Variants in RNF212 observed in about 807,000 individuals in gnomAD.
RNF212 encodes probable E3 SUMO-protein ligase RNF212.
A neutral mutation model predicts 34.7 loss-of-function variants in RNF212; 33 were observed. The observed-to-expected ratio is 0.95, with a 90% CI of 0.72 to 1.27. RNF212 has a LOEUF of 1.27. Ranked by LOEUF, RNF212 falls within the 50% of genes most tolerant of loss-of-function variation. The pLI is 0.00. For synonymous variants in RNF212, 140 were observed against 136.1 expected (o/e 1.03, Z -0.20); for missense variants, 377 against 362.2 (o/e 1.04, Z -0.33).
At chr4:1,093,385 CA>C (rs1246366904) in intron 3 of RNF212, 5 of 1,033,252 alleles carry the variant, frequency 4.8e-6, no homozygotes, top group East Asian at 5.6e-5. Flanking sequence ...TAACAAATGC[CA>C]ATATTTATGT....
upstream of RNF212, chr4:1,113,628 T>C: frequency 2.0e-6 from 1 of 505,336 alleles, no homozygotes; most frequent in Non-Finnish European, 3.4e-6. Flanking sequence ...CCCGCCAACC[T>C]CGCGGGTTCT....
intron 5 of RNF212, among the ~76,000 whole-genome samples, chr4:1,082,862 G>A (rs982781899): frequency 2.0e-5 from 3 of 152,342 alleles, no homozygotes; most frequent in Admixed American, 1.3e-4. Context: ...TGGCAGGGCC[G>A]TGGCCTGGCT....
At chr4:1,113,323 C>A in intron 1 of RNF212, 33 bp downstream of exon 1, 2 of 1,476,732 alleles carry the variant, frequency 1.4e-6, no homozygotes, top group South Asian at 2.5e-5. Flanking sequence ...CCGCTCCCCT[C>A]CCCTCTCCAG....
intron 3 of RNF212, among the ~76,000 whole-genome samples, chr4:1,094,763 T>G (rs1722782284): frequency 6.6e-6 from 1 of 152,156 alleles, no homozygotes; most frequent in Admixed American, 6.5e-5. Flanking sequence ...CAGAGAACCC[T>G]GATCTGGTGG....
Position 1,090,850 on chromosome 4 carries a change from A to G in RNF212, c.247-12T>C, listed in dbSNP as rs758108691. ...TGAAATTCTAAAATCTGAAAAGATC[A>G]TAGGTTTCAGCTGCTGACACAGATC... On this transcript the variant is annotated splice_polypyrimidine_tract_variant and intron_variant, in intron 3 of 9. Transcript: ENST00000433731. 5 of 1,568,776 alleles carry G rather than the reference A, an allele frequency of 3.2e-6. No homozygotes were observed. Among genetic ancestry groups the G allele is most frequent in the Admixed American group, 3.3e-5 (2 of 59,808 alleles).
intron 3 of RNF212, among the ~76,000 whole-genome samples, chr4:1,064,214 T>G (rs1717939111): frequency 6.6e-6 from 1 of 152,194 alleles, no homozygotes; most frequent in Non-Finnish European, 1.5e-5. Context: ...CCCATATATA[T>G]GTACATAAAT....
chr4:1,081,526 G>T (rs371774806), intron 6 of RNF212, 41 bp downstream of exon 6: 4 of 1,601,816 alleles, frequency 2.5e-6, no homozygotes, highest in Non-Finnish European at 3.4e-6. Flanking sequence ...TCAGCAACAT[G>T]CATCTCTATT....
rs776329566 is a variant in RNF212, at chr4:1,059,406, TG to T, written n.148-1014del. Among the ~76,000 whole-genome samples the T allele has an allele frequency of 7.9e-4, 120 of 152,216 alleles. 5 individuals are homozygous for T. The highest frequency in any genetic ancestry group is 1.6e-4 in the Non-Finnish European group (11 of 68,028). On this transcript the variant is annotated intron_variant and non_coding_transcript_variant, in intron 3 of 4. Coordinates refer to the RNF212 transcript ENST00000503206. ...CTGTCTTGTATCACGGTTTGGCATC[TG>T]GAGGCTTGTGGACCCTGCAGAGACT...
intron 2 of RNF212, chr4:1,099,608 A>G (rs1378551905): frequency 2.4e-6 from 1 of 409,948 alleles, no homozygotes. Context: ...TGCTCGCACA[A>G]TCCCCAGGAA....
Position 1,098,855 on chromosome 4 carries a change from T to C in RNF212, c.172-2016A>G, listed in dbSNP as rs191131820. On this transcript the variant is annotated intron_variant, in intron 2 of 9. Coordinates refer to ENST00000433731, the MANE Select transcript of RNF212 (RefSeq NM_001131034.4). ...CGCAGGGAGCGGGAACTGTCACTGT[T>C]ATCTAAGGTATATTATAAATACACA... Among the ~76,000 whole-genome samples the C allele has an allele frequency of 2.1e-3, 319 of 152,280 alleles. 8 individuals carry two copies. The highest frequency in any genetic ancestry group is 8.8e-4 in the Non-Finnish European group (60 of 68,028).
chr4:1,088,475 T>C (rs191055716), intron 4 of RNF212, among the ~76,000 whole-genome samples: 1 of 152,320 alleles, frequency 6.6e-6, no homozygotes, highest in Non-Finnish European at 1.5e-5. Context: ...TTGGAACTTA[T>C]GTTTAAAAGG....
intron 8 of RNF212, among the ~76,000 whole-genome samples, chr4:1,077,517 G>A (rs1254035134): frequency 2.0e-5 from 3 of 152,172 alleles, no homozygotes; most frequent in Non-Finnish European, 4.4e-5. Context: ...ATAGGCGTGA[G>A]CCCGACATGC....
At chr4:1,107,688 G>C (rs946018595) in intron 2 of RNF212, among the ~76,000 whole-genome samples, 1 of 152,114 alleles carries the variant, frequency 6.6e-6, no homozygotes, top group Admixed American at 6.5e-5. Context: ...CTGATCTCGT[G>C]ATCCGCCCAT....
chr4:1,094,789 C>T (rs1349998265), intron 3 of RNF212, among the ~76,000 whole-genome samples: 1 of 152,186 alleles, frequency 6.6e-6, no homozygotes, highest in African/African-American at 2.4e-5. Flanking sequence ...GCTCCCAAAC[C>T]TGAGATTCTA....
intron 8 of RNF212, among the ~76,000 whole-genome samples, chr4:1,077,103 C>T (rs1314125542): frequency 6.6e-6 from 1 of 152,176 alleles, no homozygotes; most frequent in African/African-American, 2.4e-5. Flanking sequence ...TGGTGCGTGC[C>T]TGTAGTCCCA....
intron 8 of RNF212, among the ~76,000 whole-genome samples, chr4:1,079,441 T>A (rs1297850361): frequency 6.6e-6 from 1 of 152,218 alleles, no homozygotes; most frequent in African/African-American, 2.4e-5. Flanking sequence ...TCCTGGCCAT[T>A]CAGGCAGAAC....
At chr4:1,081,288 T>C in intron 7 of RNF212, 131 bp downstream of exon 7, 1 of 768,292 alleles carries the variant, frequency 1.3e-6, no homozygotes, top group South Asian at 1.5e-5. Flanking sequence ...CCAAAATGAG[T>C]TCATGTCCAG....
At chr4:1,111,110 C>T (rs1358197482) in intron 1 of RNF212, among the ~76,000 whole-genome samples, 2 of 152,124 alleles carry the variant, frequency 1.3e-5, no homozygotes, top group Non-Finnish European at 2.9e-5. Context: ...GTCACCAGTG[C>T]CCTCCTCACT....
intron 8 of RNF212, among the ~76,000 whole-genome samples, chr4:1,079,087 CAGGACCAACAT>C (rs1249230399): frequency 9.2e-5 from 14 of 151,576 alleles, no homozygotes; most frequent in Admixed American, 2.0e-4. Context: ...AGGGTCAACA[CAGGACCAACAT>C]AGGACCAACA....
Sources: gnomAD v4.1 joint callset for allele counts (sites outside exome capture counted in the v4.1 genomes callset) on GRCh38, gnomAD v4.1.1 for gene constraint, MANE v1.5 for transcripts, NCBI Gene and HGNC (gene_info 2026-07-23, HGNC 2026-07-21) for gene names.